Variants in RNF157 observed in about 807,000 individuals in gnomAD.
RNF157 encodes the protein ring finger protein 157.
A neutral mutation model predicts 88.3 loss-of-function variants in RNF157; 55 were observed. That is an observed-to-expected ratio of 0.62 (90% confidence interval 0.50 to 0.78). The LOEUF is 0.78. Among genes scored for constraint, RNF157 ranks in the 30% least tolerant of loss-of-function variants. The probability of loss-of-function intolerance (pLI) is 0.00; values close to 1 mark genes in which losing one functional copy is unlikely to be tolerated. For missense variants in RNF157, 788 were observed against 860.8 expected, an observed-to-expected ratio of 0.92 and a Z score of 1.06; for synonymous variants, 334 against 341.2, an observed-to-expected ratio of 0.98 and a Z score of 0.23.
chr17:76,167,855 C>G, intron 3 of RNF157, 58 bp from the exon 4 acceptor site: 1 of 1,534,256 alleles, frequency 6.5e-7, no homozygotes, highest in Non-Finnish European at 8.9e-7. Flanking sequence ...TAAAATTTAC[C>G]TTTAAAAAAA....
chr17:76,173,950 C>T (rs1018816141), intron 2 of RNF157, among the ~76,000 whole-genome samples, 160 bp from the exon 3 acceptor site: 3 of 152,144 alleles, frequency 2.0e-5, no homozygotes, highest in Non-Finnish European at 4.4e-5. Flanking sequence ...CTGAGTCAAC[C>T]TGCTCAAGGT....
chr17:76,171,606 A>G (rs994789291), intron 3 of RNF157, among the ~76,000 whole-genome samples: 7 of 152,122 alleles, frequency 4.6e-5, no homozygotes, highest in African/African-American at 1.2e-4. Context: ...ATTTATTCCC[A>G]TAATCACAGA....
chr17:76,218,744 T>A lies in RNF157; in HGVS notation c.89-6262A>T, dbSNP rs1383639742. 6.6e-5 allele frequency among the ~76,000 whole-genome samples: 10 copies of A among 151,896 alleles called. No individual in the cohort carries two copies. The South Asian group carries it at 2.1e-3, about 32-fold the overall frequency. On this transcript the variant is annotated intron_variant, in intron 1 of 18. Transcript: ENST00000269391. ...AGGTCAGGAGTTTGAGACCAGCCTG[T>A]CCACCATAGTGAAACTTCGTCTCTA...
chr17:76,163,021 A>C (rs1360474668), intron 8 of RNF157: 3 of 156,922 alleles, frequency 1.9e-5, no homozygotes, highest in Non-Finnish European at 4.2e-5. Flanking sequence ...GGAATGGAAA[A>C]GAGAAAGAAA....
chr17:76,210,588 C>CAAAAAAAA (rs71161274), intron 2 of RNF157, among the ~76,000 whole-genome samples: 15,200 of 52,240 alleles, frequency 0.29, 2,955 homozygotes, highest in East Asian at 0.39. Flanking sequence ...AGACTCCGTC[C>CAAAAAAAA]AAAAAAAAAA....
intron 2 of RNF157, among the ~76,000 whole-genome samples, chr17:76,187,847 C>T (rs2069319703): frequency 6.6e-6 from 1 of 152,186 alleles, no homozygotes; most frequent in South Asian, 2.1e-4. Flanking sequence ...ATCTGCCTGC[C>T]TTAGCCTTCC....
At chr17:76,182,451 C>CTGTGTGTGTGTGTG (rs5822121) in intron 2 of RNF157, among the ~76,000 whole-genome samples, 138 of 144,116 alleles carry the variant, frequency 9.6e-4, no homozygotes, top group African/African-American at 3.2e-3. Flanking sequence ...CGCATTTAGT[C>CTGTGTGTGTGTGTG]TGTGTGTGTG....
intron 2 of RNF157, among the ~76,000 whole-genome samples, chr17:76,207,316 A>T (rs1322546040): frequency 6.6e-6 from 1 of 152,182 alleles, no homozygotes; most frequent in Non-Finnish European, 1.5e-5. Flanking sequence ...CCAGCTACTC[A>T]GGAGACTGAG....
rs987490158 is a variant in RNF157, at chr17:76,176,446, T to G, written c.208-2656A>C. 5.3e-5 allele frequency among the ~76,000 whole-genome samples: 8 copies of G among 152,100 alleles called. No individual in the cohort carries two copies. The highest frequency in any genetic ancestry group is 1.9e-4 in the African/African-American group (8 of 41,402). On this transcript the variant is annotated intron_variant, in intron 2 of 18. Transcript: ENST00000269391. The surrounding 1 kb of genome is among the most constrained non-coding windows in gnomAD (Gnocchi z 4.2). ...AAAAATTTTTTTTCTGCTCTTAGAG[T>G]TGTCTCCCATTCTTCTGTAAATCGA... is the stretch of plus-strand genomic sequence containing the variant.
chr17:76,212,277 G>GCC, intron 2 of RNF157, 87 bp downstream of exon 2: 2 of 909,026 alleles, frequency 2.2e-6, no homozygotes, highest in Non-Finnish European at 3.6e-6. Flanking sequence ...ACAAACTGCT[G>GCC]AACAAGCAAC....
Position 76,143,637 on chromosome 17 carries a change from G to A in RNF157, c.*1598C>T, listed in dbSNP as rs751091973. The A allele has an allele frequency of 2.6e-5, 4 of 152,134 alleles. No individual in the cohort carries two copies. The highest frequency in any genetic ancestry group is 4.8e-5 in the African/African-American group (2 of 41,398). 9.4% of individuals were successfully genotyped at this position (152,134 alleles called of 1,614,324 possible). On this transcript the variant is annotated 3_prime_UTR_variant, in exon 19 of 19. Transcript: ENST00000269391. ...CAGGCCCCCCTCTCCATCAGGGCAG[G>A]ATGTGAGCCACAACCACTAGGCAGT... is the stretch of plus-strand genomic sequence containing the variant.
intron 1 of RNF157, among the ~76,000 whole-genome samples, chr17:76,214,383 C>G (rs138742475): frequency 1.1e-4 from 17 of 152,250 alleles, no homozygotes; most frequent in African/African-American, 2.9e-4. Context: ...CAGACGCACA[C>G]ATTTCTTTGC....
chr17:76,222,018 G>A (rs1425867117), intron 1 of RNF157, among the ~76,000 whole-genome samples: 1 of 152,196 alleles, frequency 6.6e-6, no homozygotes, highest in Non-Finnish European at 1.5e-5. Context: ...TGGGGGCAGG[G>A]GAGAGTGGGG....
intron 1 of RNF157, among the ~76,000 whole-genome samples, chr17:76,225,321 CAAAAAG>C (rs1482805194): frequency 1.3e-5 from 2 of 152,004 alleles, no homozygotes; most frequent in African/African-American, 4.8e-5. Context: ...TCCATCTCCA[CAAAAAG>C]AAAAAGAAAT....
Position 76,161,563 on chromosome 17 carries a change from G to A in RNF157, c.1037C>T (p.Ser346Phe). 6.2e-7 allele frequency: 1 copy of A among 1,614,120 alleles called. No homozygotes were observed. The highest frequency in any genetic ancestry group is 1.3e-5 in the African/African-American group (1 of 75,022). ...ATGCTCTTCAGAGTCAGATGTCTGG[G>A]ATGAGATGATGGGGTTAAAGCTGGT... The part of the protein sequence containing the change: ...SPTSFNPIIS[S>F]QTSDSEEHPS... Residue 346 changes from serine to phenylalanine, a missense_variant, in exon 11 of 19, where the codon TCC becomes TTC. Transcript: ENST00000269391. This position sits in a 1 kb window ranked among gnomAD's most constrained non-coding sequence, Gnocchi z 4.6.
chr17:76,233,906 A>G (rs570914705), intron 1 of RNF157, among the ~76,000 whole-genome samples: 36 of 152,284 alleles, frequency 2.4e-4, no homozygotes, highest in African/African-American at 8.4e-4. Flanking sequence ...GTACAATCCA[A>G]TGGTTTTTAG....
chr17:76,182,115 C>G (rs2144909903), intron 2 of RNF157, among the ~76,000 whole-genome samples: 1 of 152,178 alleles, frequency 6.6e-6, no homozygotes, highest in South Asian at 2.1e-4. Context: ...ACAACATCCT[C>G]CTGGGACTGG....
In RNF157 at chr17:76,160,674, T is replaced by C. The variant is rs1237800589; in HGVS notation, c.1065+861A>G. Among the ~76,000 whole-genome samples, 1 of 152,216 alleles carries C rather than the reference T, an allele frequency of 6.6e-6. No individual in the cohort carries two copies. Among genetic ancestry groups the C allele is most frequent in the Non-Finnish European group, 1.5e-5 (1 of 68,040 alleles). ...TCTGATACACACATTGTAAATAGTT[T>C]TTAAAAAAACACTATTTGTTGTCTA... On this transcript the variant is annotated intron_variant, in intron 11 of 18. Coordinates refer to ENST00000269391, the MANE Select transcript of RNF157 (RefSeq NM_052916.3). The surrounding 1 kb of genome is among the most constrained non-coding windows in gnomAD (Gnocchi z 4.3).
At position 76,152,385 on chromosome 17, in the gene RNF157, T is replaced by A; in HGVS notation, c.1891A>T (p.Asn631Tyr). The change falls in exon 18 of 19, where the codon AAT becomes TAT. Residue 631 changes from asparagine to tyrosine, a missense_variant. By Grantham distance (143) the Asn-to-Tyr change is moderately radical (BLOSUM62 -2). Transcript: ENST00000269391. ...FDIASVKALD[N>Y]KLCSEVCLPG... ...AAGCAGACCTCAGAGCACAGCTTATTGTCCAGTGCTTTCACGCTTGCGATG... is the reference window on the plus strand; with the variant it reads ...AAGCAGACCTCAGAGCACAGCTTATAGTCCAGTGCTTTCACGCTTGCGATG... 1 of 1,613,158 alleles carries A rather than the reference T, an allele frequency of 6.2e-7. No homozygotes were observed. Among genetic ancestry groups the A allele is most frequent in the South Asian group, 1.1e-5 (1 of 91,074 alleles).
Sources: gnomAD v4.1 joint callset for allele counts (sites outside exome capture counted in the v4.1 genomes callset) on GRCh38, gnomAD v4.1.1 for gene constraint, Gnocchi (gnomAD v3.1) non-coding constraint, MANE v1.5 for transcripts, NCBI Gene and HGNC (gene_info 2026-07-23, HGNC 2026-07-21) for gene names.